The following LRRC4C variants were observed in gnomAD, a reference collection of about 807,000 sequenced individuals.
The protein encoded by LRRC4C is leucine-rich repeat-containing protein 4C.
Under a neutral mutation model 33.6 loss-of-function variants are expected in LRRC4C, and 5 were observed. The ratio of observed to expected loss-of-function variants is 0.15; its 90% CI spans 0.08 to 0.31. LRRC4C has a LOEUF of 0.31. Ranked by LOEUF, LRRC4C falls within the 10% of genes least tolerant of loss-of-function variation. The pLI is 1.00. For missense variants in LRRC4C, 560 were observed against 796.7 expected (o/e 0.70, Z 3.58); for synonymous variants, 329 against 302.0 (o/e 1.09, Z -0.93).
At chr11:41,403,825 C>T (rs1954115943) in intron 1 of LRRC4C, among the ~76,000 whole-genome samples, 1 of 152,074 alleles carries the variant, frequency 6.6e-6, no homozygotes, top group African/African-American at 2.4e-5. Context: ...ATCATGTGCT[C>T]AGTTCACATT....
chr11:40,184,013 C>G (rs1861215621), intron 5 of LRRC4C, among the ~76,000 whole-genome samples: 1 of 152,210 alleles, frequency 6.6e-6, no homozygotes, highest in African/African-American at 2.4e-5. Flanking sequence ...AACTGAATCA[C>G]AGCTAGAGCA....
At chr11:41,362,486 C>A (rs1211030383) in intron 1 of LRRC4C, among the ~76,000 whole-genome samples, 1 of 151,876 alleles carries the variant, frequency 6.6e-6, no homozygotes, top group Non-Finnish European at 1.5e-5. Context: ...TAACAAAGAC[C>A]CTTGCCCACC....
rs543810164 is a variant in LRRC4C, at chr11:40,221,055, T to C, written c.-96+20464A>G. ...CATGCCCAGCTAATTTTTGTTTTTT[T>C]AGTAGAGACGGGGTTTCACCATGTT... is the stretch of plus-strand genomic sequence containing the variant. On this transcript the variant is annotated intron_variant, in intron 5 of 6. Coordinates refer to ENST00000528697, the MANE Select transcript of LRRC4C (RefSeq NM_001258419.2). 1.3e-4 allele frequency among the ~76,000 whole-genome samples: 20 copies of C among 152,224 alleles called. No individual in the cohort carries two copies. The South Asian group carries it at 2.7e-3, about 21-fold the overall frequency.
intron 4 of LRRC4C, among the ~76,000 whole-genome samples, chr11:40,247,308 C>T (rs1484990131): frequency 1.3e-5 from 2 of 152,116 alleles, no homozygotes; most frequent in Non-Finnish European, 2.9e-5. Flanking sequence ...ATAAAGCTAT[C>T]CTTTGCAATG....
intron 4 of LRRC4C, chr11:40,292,388 C>T (rs986854049): frequency 6.6e-6 from 1 of 152,140 alleles, no homozygotes; most frequent in Admixed American, 6.5e-5. Context: ...TGGTTTCTCT[C>T]CCCCAATCAA....
At chr11:41,366,213 GAT>G (rs1952533977) in intron 1 of LRRC4C, among the ~76,000 whole-genome samples, 1 of 141,876 alleles carries the variant, frequency 7.0e-6, no homozygotes, top group African/African-American at 3.0e-5. Context: ...TAGATAGATA[GAT>G]AGATAGATAG....
chr11:40,222,139 G>C (rs1590748896), intron 5 of LRRC4C, among the ~76,000 whole-genome samples: 1 of 152,166 alleles, frequency 6.6e-6, no homozygotes, highest in South Asian at 2.1e-4. Context: ...CCATTGTATA[G>C]TAACAAAACA....
intron 2 of LRRC4C, among the ~76,000 whole-genome samples, chr11:40,732,333 C>A (rs908679837): frequency 6.6e-6 from 1 of 152,114 alleles, no homozygotes; most frequent in Non-Finnish European, 1.5e-5. Flanking sequence ...TAAATATTGG[C>A]GTCCAAAATG....
chr11:40,487,311 C>T (rs1953913876), intron 3 of LRRC4C, among the ~76,000 whole-genome samples: 1 of 152,016 alleles, frequency 6.6e-6, no homozygotes, highest in Admixed American at 6.6e-5. Flanking sequence ...AAGAATTTTC[C>T]TCTTCAGACT....
At chr11:40,795,027 C>A (rs1304688583) in intron 2 of LRRC4C, among the ~76,000 whole-genome samples, 1 of 152,090 alleles carries the variant, frequency 6.6e-6, no homozygotes, top group African/African-American at 2.4e-5. Context: ...TAAGCCAAAT[C>A]TTCCCATCAC....
intron 1 of LRRC4C, chr11:41,222,791 G>A (rs1175563910): frequency 1.4e-5 from 2 of 140,926 alleles, no homozygotes; most frequent in Admixed American, 7.4e-5. Flanking sequence ...GGAGAAAGTG[G>A]CTCACCTGCT....
chr11:41,196,814 C>T (rs1946198477), intron 1 of LRRC4C, among the ~76,000 whole-genome samples: 1 of 151,802 alleles, frequency 6.6e-6, no homozygotes, highest in African/African-American at 2.4e-5. Flanking sequence ...GTCAGCTTCA[C>T]CAGGGACTAA....
chr11:41,118,202 T>C (rs1290042640), intron 1 of LRRC4C, among the ~76,000 whole-genome samples: 1 of 152,188 alleles, frequency 6.6e-6, no homozygotes, highest in Non-Finnish European at 1.5e-5. Flanking sequence ...AGTAGGCTGC[T>C]GAAGCACAAT....
chr11:40,784,889 C>T (rs1335511303), intron 2 of LRRC4C, among the ~76,000 whole-genome samples: 1 of 151,748 alleles, frequency 6.6e-6, no homozygotes, highest in East Asian at 1.9e-4. Context: ...GGGGGAAAAA[C>T]ACAGAAAGAA....
At chr11:40,414,300 C>A (rs1561575) in intron 3 of LRRC4C, among the ~76,000 whole-genome samples, 1 of 151,990 alleles carries the variant, frequency 6.6e-6, no homozygotes, top group Non-Finnish European at 1.5e-5. Flanking sequence ...TGTGAGATTA[C>A]AGATTTTGCT....
At chr11:40,913,615 C>T (rs980357025) in intron 2 of LRRC4C, among the ~76,000 whole-genome samples, 1 of 152,082 alleles carries the variant, frequency 6.6e-6, no homozygotes. Flanking sequence ...AAAATTGACA[C>T]CCTAACATCA....
intron 2 of LRRC4C, among the ~76,000 whole-genome samples, chr11:40,816,427 G>T (rs1367958965): frequency 6.6e-6 from 1 of 152,132 alleles, no homozygotes; most frequent in East Asian, 1.9e-4. Context: ...ATATCCAGAG[G>T]CTCTTTGTAA....
intron 3 of LRRC4C, among the ~76,000 whole-genome samples, chr11:40,447,517 G>A (rs1321668605): frequency 6.6e-6 from 1 of 152,122 alleles, no homozygotes; most frequent in Non-Finnish European, 1.5e-5. Context: ...CAACAATCCA[G>A]GGGTCTTTTT....
intron 3 of LRRC4C, among the ~76,000 whole-genome samples, chr11:40,413,510 T>C (rs1950222388): frequency 6.6e-6 from 1 of 152,134 alleles, no homozygotes; most frequent in Admixed American, 6.6e-5. Context: ...GATTTCACTA[T>C]CCAAACCCTC....
Sources: allele counts gnomAD v4.1 joint callset (sites outside exome capture counted in the v4.1 genomes callset), GRCh38; gene constraint gnomAD v4.1.1; transcripts MANE v1.5; gene names NCBI Gene and HGNC (gene_info 2026-07-23, HGNC 2026-07-21).